The following GLYATL2 variants were observed in gnomAD, a reference collection of about 807,000 sequenced individuals.
GLYATL2 encodes glycine N-acyltransferase-like protein 2.
GLYATL2 carries 25 observed loss-of-function variants against 21.4 expected under a neutral mutation model. That is an observed-to-expected ratio of 1.17 (90% CI 0.85 to 1.63). The LOEUF is 1.63. GLYATL2 is among the 40% of genes most tolerant of loss of function. The pLI is 0.00. For missense variants in GLYATL2, 361 were observed against 343.3 expected (o/e 1.05, Z -0.41); for synonymous variants, 114 against 118.2 (o/e 0.96, Z 0.23).
At chr11:58,885,441 G>A (rs2134616606) in intron 1 of GLYATL2, 2 of 493,332 alleles carry the variant, frequency 4.1e-6, no homozygotes, top group Non-Finnish European at 8.2e-6. Context: ...CATATATATG[G>A]CTGTGTGTAT....
chr11:58,904,245 G>A (rs1401393319), upstream of GLYATL2: 1 of 152,150 alleles, frequency 6.6e-6, no homozygotes, highest in Non-Finnish European at 1.5e-5. Context: ...TCCTCCTAGA[G>A]TTTGTCCCCC....
chr11:58,859,404 G>GA (rs1021142647), intron 1 of GLYATL2, among the ~76,000 whole-genome samples: 16 of 150,162 alleles, frequency 1.1e-4, no homozygotes, highest in South Asian at 2.1e-4. Context: ...CTAGCAAAAA[G>GA]AAAAAAAAAC....
chr11:58,904,565 T>C (rs185164158), upstream of GLYATL2, among the ~76,000 whole-genome samples: 50 of 152,346 alleles, frequency 3.3e-4, no homozygotes, highest in Non-Finnish European at 6.3e-4. Flanking sequence ...TGTGCAATGA[T>C]TTACTCTCCG....
rs779916888 is a variant in GLYATL2, at chr11:58,838,408, T to G, written c.79-40A>C. ...AACAAAGCAGGAGAGGATGAAGTTC[T>G]TCTCCAATATAGAGTCTTATATGTG... On this transcript the variant is annotated intron_variant, in intron 2 of 5. Transcript: ENST00000287275. 38 of 1,214,650 alleles carry G rather than the reference T, an allele frequency of 3.1e-5. No homozygotes were observed. The South Asian group carries it at 4.7e-4, about 15-fold the overall frequency. The allele number at this position is 1,214,650 out of a possible 1,614,324, so 75.2% of individuals were successfully genotyped here.
Position 58,834,645 on chromosome 11 carries a change from C to T in GLYATL2, c.669G>A (p.Leu223=). The change falls in exon 6 of 6, where the codon TTG becomes TTA. Residue 223 remains leucine (L), a synonymous_variant. Transcript: ENST00000287275. ...ATTTGGGGACAGTATAACCCATTCT[C>T]AACTCACAGGACTGTTCCATCACAA... ...SWIVMEQSCE[L]RMGYTVPKYR... 1 of 1,613,502 alleles carries T rather than the reference C, an allele frequency of 6.2e-7. No homozygotes were observed. The highest frequency in any genetic ancestry group is 8.5e-7 in the Non-Finnish European group (1 of 1,179,900).
intron 1 of GLYATL2, among the ~76,000 whole-genome samples, chr11:58,860,152 A>T (rs1380985883): frequency 1.3e-5 from 2 of 152,116 alleles, no homozygotes; most frequent in Non-Finnish European, 2.9e-5. Context: ...CCTTTGAAGA[A>T]TGTCATTGGT....
In GLYATL2 at chr11:58,866,102, C is replaced by T. The variant is rs76483402; in HGVS notation, n.61-27734G>A. On this transcript the variant is annotated intron_variant and non_coding_transcript_variant, in intron 1 of 4. Coordinates refer to the GLYATL2 transcript ENST00000533636. ...CTGATTTCTCTGGAGGCATTGAAAC[C>T]TCATCACCAACCCAGAACAGTTTGG... Among the ~76,000 whole-genome samples the T allele has an allele frequency of 5.3e-3, 784 of 148,900 alleles. 22 individuals are homozygous for T. Among genetic ancestry groups the T allele is most frequent in the African/African-American group, 0.018 (744 of 41,356 alleles).
intron 1 of GLYATL2, among the ~76,000 whole-genome samples, chr11:58,875,272 G>C (rs2134606715): frequency 6.6e-6 from 1 of 152,252 alleles, no homozygotes; most frequent in South Asian, 2.1e-4. Context: ...TTTAATTGGA[G>C]CATTTAGCCC....
upstream of GLYATL2, among the ~76,000 whole-genome samples, chr11:58,848,940 T>A (rs1853690602): frequency 6.6e-6 from 1 of 151,986 alleles, no homozygotes; most frequent in Non-Finnish European, 1.5e-5. Context: ...GAAAGAAACA[T>A]AAAAGCAGCA....
chr11:58,847,966 A>G (rs1444755814), upstream of GLYATL2, among the ~76,000 whole-genome samples: 1 of 148,200 alleles, frequency 6.7e-6, no homozygotes, highest in East Asian at 2.0e-4. Flanking sequence ...CTCCACCCCC[A>G]ATTTTAGTTG....
At chr11:58,907,376 T>C (rs1383999404), upstream of GLYATL2, 4 of 456,216 alleles carry the variant, frequency 8.8e-6, no homozygotes, top group Non-Finnish European at 1.8e-5. Flanking sequence ...CTCACGGTAG[T>C]CTGCTGGAGT....
chr11:58,843,783 T>A (rs1343881312), intron 1 of GLYATL2, among the ~76,000 whole-genome samples: 1 of 152,156 alleles, frequency 6.6e-6, no homozygotes, highest in Admixed American at 6.5e-5. Context: ...GAGGTTAAGA[T>A]GTCAGAGGCA....
intron 1 of GLYATL2, among the ~76,000 whole-genome samples, chr11:58,864,620 T>C (rs949739673): frequency 6.7e-6 from 1 of 149,320 alleles, no homozygotes; most frequent in Admixed American, 6.9e-5. Flanking sequence ...TCCATGCCTG[T>C]GGGTGGGGTG....
chr11:58,899,616 C>G (rs61892583), intron 1 of GLYATL2, among the ~76,000 whole-genome samples: 47,767 of 151,710 alleles, frequency 0.31, 9,037 homozygotes, highest in Non-Finnish European at 0.44. Context: ...ATTTGACAGA[C>G]AGCTGCAGAA....
At chr11:58,844,319 T>C (rs2134580330) in intron 1 of GLYATL2, 115 bp downstream of exon 1, 1 of 152,342 alleles carries the variant, frequency 6.6e-6, no homozygotes, top group African/African-American at 2.4e-5. Flanking sequence ...GAGTGCTCTT[T>C]CCAAGGGTTT....
At chr11:58,886,700 AT>A (rs1214913040) in intron 1 of GLYATL2, among the ~76,000 whole-genome samples, 5 of 152,120 alleles carry the variant, frequency 3.3e-5, no homozygotes, top group Non-Finnish European at 5.9e-5. Flanking sequence ...ACCTAGGTCT[AT>A]TTTTTTGTCC....
intron 1 of GLYATL2, among the ~76,000 whole-genome samples, chr11:58,902,282 G>A (rs1182921348): frequency 1.3e-5 from 2 of 152,076 alleles, no homozygotes; most frequent in Admixed American, 6.5e-5. Flanking sequence ...CCATTATGTG[G>A]TGCCCAGGCC....
chr11:58,847,987 G>A (rs1422625535), upstream of GLYATL2, among the ~76,000 whole-genome samples: 8 of 139,826 alleles, frequency 5.7e-5, no homozygotes, highest in Admixed American at 3.1e-4. Context: ...GCTCAGAACA[G>A]AGAGAGAGGC....
chr11:58,873,954 C>T lies in GLYATL2; in HGVS notation n.60+30202G>A, dbSNP rs1198855075. On this transcript the variant is annotated intron_variant and non_coding_transcript_variant, in intron 1 of 4. Coordinates refer to the GLYATL2 transcript ENST00000533636. ...GTTGGTAAGCTATTAATTATTGCCT[C>T]AATTTCAGAGGGTGTTATTGGTCTA... is the stretch of plus-strand genomic sequence containing the variant. 3.3e-5 allele frequency among the ~76,000 whole-genome samples: 5 copies of T among 152,116 alleles called. No individual in the cohort carries two copies. In the South Asian group the frequency reaches 1.0e-3, roughly 32 times the overall value.
Sources: allele counts gnomAD v4.1 joint callset (sites outside exome capture counted in the v4.1 genomes callset), GRCh38; gene constraint gnomAD v4.1.1; transcripts MANE v1.5; gene names NCBI Gene and HGNC (gene_info 2026-07-23, HGNC 2026-07-21).